The following KCNAB1 variants were observed in gnomAD, a reference collection of about 807,000 sequenced individuals.
The protein encoded by KCNAB1 is voltage-gated potassium channel subunit beta-1.
In KCNAB1, 35 loss-of-function variants were observed where a neutral mutation model predicts 64.6. The observed-to-expected ratio is 0.54, with a 90% CI of 0.41 to 0.72. KCNAB1 has a LOEUF of 0.72. KCNAB1 is among the 30% of genes least tolerant of loss of function. KCNAB1 has a pLI of 0.00. For synonymous variants in KCNAB1, 177 were observed against 183.8 expected (o/e 0.96, Z 0.30); for missense variants, 401 against 512.9 (o/e 0.78, Z 2.11).
Position 156,194,847 on chromosome 3 carries a change from C to A in KCNAB1, c.275+73961C>A, listed in dbSNP as rs146817684. On this transcript the variant is annotated intron_variant, in intron 1 of 13. Coordinates refer to ENST00000490337, the MANE Select transcript of KCNAB1 (RefSeq NM_172160.3). ...GGTTTGTTACATAGGTATACCAGTG[C>A]CATGGTGGTTTGTTGCACCCATCAA... is the stretch of plus-strand genomic sequence containing the variant. 4.9e-4 allele frequency among the ~76,000 whole-genome samples: 75 copies of A among 152,244 alleles called. 2 individuals carry two copies. In the East Asian group the frequency reaches 0.011, roughly 21 times the overall value.
rs115005497 is a variant in KCNAB1 at position 156,482,653 on chromosome 3, A to G, written c.658+7833A>G. ...CAAATCCTCTTTCTGTTACGAGCCA[A>G]TTGATCTTAGGCAAGTTATTGAACT... On this transcript the variant is annotated intron_variant, in intron 8 of 13. Coordinates refer to ENST00000490337, the MANE Select transcript of KCNAB1 (RefSeq NM_172160.3). Among the ~76,000 whole-genome samples the G allele has an allele frequency of 9.9e-3, 1,507 of 152,166 alleles. 15 individuals carry two copies. The highest frequency in any genetic ancestry group is 0.034 in the African/African-American group (1,424 of 41,520).
intron 13 of KCNAB1, among the ~76,000 whole-genome samples, chr3:156,534,548 C>G (rs904797804): frequency 6.6e-6 from 1 of 152,222 alleles, no homozygotes; most frequent in African/African-American, 2.4e-5. Context: ...CCCACCACAC[C>G]TTCCTGGAAT....
chr3:156,377,972 G>T (rs1023378054), intron 1 of KCNAB1, among the ~76,000 whole-genome samples: 1 of 152,152 alleles, frequency 6.6e-6, no homozygotes, highest in Non-Finnish European at 1.5e-5. Flanking sequence ...CTCCGGGGAG[G>T]TGCTATGGAA....
intron 1 of KCNAB1, among the ~76,000 whole-genome samples, chr3:156,123,014 C>T (rs1387837809): frequency 6.6e-6 from 1 of 152,134 alleles, no homozygotes; most frequent in African/African-American, 2.4e-5. Flanking sequence ...TGTACGATCC[C>T]CCAAGTCACC....
At chr3:156,527,076 A>G (rs910086628) in intron 12 of KCNAB1, among the ~76,000 whole-genome samples, 2 of 152,200 alleles carry the variant, frequency 1.3e-5, no homozygotes, top group Non-Finnish European at 2.9e-5. Context: ...AGGTGATTTT[A>G]GAGGGGGGAA....
chr3:156,277,446 T>C (rs1190617551), intron 1 of KCNAB1, among the ~76,000 whole-genome samples: 3 of 152,166 alleles, frequency 2.0e-5, no homozygotes, highest in Non-Finnish European at 2.9e-5. Context: ...AAAAATGCAG[T>C]ATGTGTGAAG....
intron 12 of KCNAB1, among the ~76,000 whole-genome samples, chr3:156,524,732 G>A (rs576579382): frequency 1.8e-5 from 2 of 108,462 alleles, no homozygotes; most frequent in African/African-American, 7.4e-5. Context: ...GCGTGACAGA[G>A]CAAGACTCCA....
intron 8 of KCNAB1, among the ~76,000 whole-genome samples, chr3:156,495,598 C>G (rs1314173734): frequency 6.6e-6 from 1 of 152,118 alleles, no homozygotes; most frequent in African/African-American, 2.4e-5. Flanking sequence ...CAGACTAGAG[C>G]CAGACTGCCT....
intron 1 of KCNAB1, among the ~76,000 whole-genome samples, chr3:156,155,745 C>T (rs780843326): frequency 6.6e-6 from 1 of 152,144 alleles, no homozygotes; most frequent in Non-Finnish European, 1.5e-5. Flanking sequence ...TCAGGAGGTC[C>T]TCAAGAATGC....
chr3:156,292,133 G>A, intron 1 of KCNAB1: 1 of 1,613,712 alleles, frequency 6.2e-7, no homozygotes, highest in Non-Finnish European at 8.5e-7. Context: ...ATATAGGTAT[G>A]CACGTAAGAT....
chr3:156,267,278 G>A (rs890562343), intron 1 of KCNAB1, among the ~76,000 whole-genome samples: 12 of 152,048 alleles, frequency 7.9e-5, no homozygotes, highest in South Asian at 6.2e-4. Context: ...TAGAAGCATC[G>A]TTCTTCCTTT....
intron 1 of KCNAB1, among the ~76,000 whole-genome samples, chr3:156,130,977 G>C (rs1713961984): frequency 1.3e-5 from 2 of 152,222 alleles, no homozygotes; most frequent in Admixed American, 1.3e-4. Context: ...GAGGCCTGAG[G>C]AGGCACCCAA....
At chr3:156,238,142 G>A (rs574296525) in intron 1 of KCNAB1, among the ~76,000 whole-genome samples, 3 of 152,172 alleles carry the variant, frequency 2.0e-5, no homozygotes, top group Admixed American at 6.5e-5. Flanking sequence ...ATGGGTTGCC[G>A]GCCGGGCGTG....
intron 1 of KCNAB1, among the ~76,000 whole-genome samples, chr3:156,402,522 T>C (rs1197130236): frequency 6.6e-6 from 1 of 152,250 alleles, no homozygotes; most frequent in Non-Finnish European, 1.5e-5. Flanking sequence ...GCTATTTTAA[T>C]GATAAATCTA....
rs138598091 is a variant in KCNAB1, at chr3:156,343,467, C to T, written c.276-78149C>T. Reference sequence around the variant, plus strand: ...TGAAGTATACTCAGAGACCTGAGGTCGAGGGAGAGGGAGGGATTGCTCCTC... The same window carrying T: ...TGAAGTATACTCAGAGACCTGAGGTTGAGGGAGAGGGAGGGATTGCTCCTC... On this transcript the variant is annotated intron_variant, in intron 1 of 13. Coordinates refer to ENST00000490337, the MANE Select transcript of KCNAB1 (RefSeq NM_172160.3). Among the ~76,000 whole-genome samples the T allele has an allele frequency of 2.3e-3, 357 of 152,238 alleles. 4 individuals carry two copies. The highest frequency in any genetic ancestry group is 8.1e-3 in the African/African-American group (335 of 41,542).
chr3:156,187,805 C>G (rs1359938104), intron 1 of KCNAB1, among the ~76,000 whole-genome samples: 1 of 152,250 alleles, frequency 6.6e-6, no homozygotes, highest in Non-Finnish European at 1.5e-5. Flanking sequence ...CATTTCCCTA[C>G]TTAAAATCCT....
chr3:156,458,306 A>G (rs559942666), intron 4 of KCNAB1, among the ~76,000 whole-genome samples: 1 of 152,334 alleles, frequency 6.6e-6, no homozygotes, highest in East Asian at 1.9e-4. Flanking sequence ...CAGCCTAACC[A>G]GCACATTTCA....
chr3:156,195,986 G>A (rs1197979682), intron 1 of KCNAB1, among the ~76,000 whole-genome samples: 1 of 152,156 alleles, frequency 6.6e-6, no homozygotes, highest in Non-Finnish European at 1.5e-5. Flanking sequence ...AAGGAGTCCA[G>A]TTTCAGTTTT....
chr3:156,486,684 C>G (rs1484855584), intron 8 of KCNAB1, among the ~76,000 whole-genome samples: 5 of 151,326 alleles, frequency 3.3e-5, no homozygotes, highest in African/African-American at 7.4e-5. Context: ...TGAGTCCTGC[C>G]CTTCAGGGCC....
Sources: gnomAD v4.1 joint callset for allele counts (sites outside exome capture counted in the v4.1 genomes callset) on GRCh38, gnomAD v4.1.1 for gene constraint, MANE v1.5 for transcripts, NCBI Gene and HGNC (gene_info 2026-07-23, HGNC 2026-07-21) for gene names.